COL19A1: variants seen among roughly 807,000 people sequenced by gnomAD.
COL19A1 encodes collagen type XIX alpha 1 chain, also known as collagen alpha-1(XIX) chain.
In COL19A1, 159 loss-of-function variants were observed where a neutral mutation model predicts 190.2. The observed-to-expected ratio is 0.84, with a 90% CI of 0.73 to 0.95. The LOEUF (loss-of-function observed/expected upper bound fraction) is 0.95, where lower values mean the gene tolerates loss of function less well. COL19A1 is among the 40% of genes least tolerant of loss of function. COL19A1 has a pLI of 0.00. For synonymous variants in COL19A1, 509 were observed against 458.9 expected, an observed-to-expected ratio of 1.11 and a Z score of -1.39; for missense variants, 1,418 against 1,431.9, an observed-to-expected ratio of 0.99 and a Z score of 0.16.
intron 48 of COL19A1, among the ~76,000 whole-genome samples, chr6:70,194,216 A>G (rs2150301207): frequency 1.3e-5 from 2 of 152,304 alleles, no homozygotes; most frequent in Middle Eastern, 6.8e-3. Context: ...CTCCAACTTT[A>G]TCATCCCAAG....
chr6:70,194,013 A>T (rs1767040157), intron 48 of COL19A1, among the ~76,000 whole-genome samples: 1 of 152,254 alleles, frequency 6.6e-6, no homozygotes. Context: ...CAGACAGCTA[A>T]CTGCTACAGT....
intron 48 of COL19A1, among the ~76,000 whole-genome samples, chr6:70,193,133 A>G (rs890722192): frequency 6.6e-6 from 1 of 151,258 alleles, no homozygotes; most frequent in African/African-American, 2.4e-5. Context: ...TGAGATATAG[A>G]AGGTGTTCGT....
intron 4 of COL19A1, among the ~76,000 whole-genome samples, chr6:69,916,831 A>G (rs1046200273): frequency 6.6e-5 from 10 of 152,194 alleles, no homozygotes; most frequent in Non-Finnish European, 1.2e-4. Context: ...TTTATTCTTA[A>G]CCAAAAAAGA....
intron 42 of COL19A1, among the ~76,000 whole-genome samples, chr6:70,177,292 A>G (rs536949243): frequency 6.6e-6 from 1 of 152,282 alleles, no homozygotes; most frequent in South Asian, 2.1e-4. Flanking sequence ...AGGAAAGTCA[A>G]TGGAAACCAT....
At chr6:70,183,058 A>G (rs1027041988) in intron 44 of COL19A1, among the ~76,000 whole-genome samples, 2 of 152,104 alleles carry the variant, frequency 1.3e-5, no homozygotes, top group African/African-American at 4.8e-5. Flanking sequence ...TGGGGAGGTG[A>G]TGCTGAAGTT....
At chr6:70,036,492 T>A (rs1374102773) in intron 14 of COL19A1, among the ~76,000 whole-genome samples, 1 of 152,236 alleles carries the variant, frequency 6.6e-6, no homozygotes, top group Non-Finnish European at 1.5e-5. Flanking sequence ...GTGCACATAA[T>A]GAGATTGTTC....
In COL19A1 at chr6:70,085,057, G is replaced by A. The variant is rs141431757; in HGVS notation, c.1224+16581G>A. ...ATATATGTGTAAAGTAGCCAATACA[G>A]GGCCTATCACATGCTAGGTATTCAA... On this transcript the variant is annotated intron_variant, in intron 15 of 50. Transcript: ENST00000620364. 2.1e-3 allele frequency among the ~76,000 whole-genome samples: 316 copies of A among 152,124 alleles called. 1 individual carries two copies. Among genetic ancestry groups the A allele is most frequent in the African/African-American group, 7.3e-3 (301 of 41,510 alleles).
At chr6:70,112,947 G>A (rs913956734) in intron 16 of COL19A1, among the ~76,000 whole-genome samples, 9 of 152,216 alleles carry the variant, frequency 5.9e-5, no homozygotes, top group African/African-American at 1.7e-4. Context: ...ACGGGGGAAC[G>A]AGTTTGAAAA....
intron 14 of COL19A1, among the ~76,000 whole-genome samples, chr6:70,055,897 T>G (rs1780477877): frequency 1.3e-5 from 2 of 151,852 alleles, no homozygotes; most frequent in Non-Finnish European, 2.9e-5. Flanking sequence ...TTTCGGTTTG[T>G]TTTTTTTCTG....
At chr6:70,159,264 T>C (rs1354972082) in intron 34 of COL19A1, among the ~76,000 whole-genome samples, 1 of 152,040 alleles carries the variant, frequency 6.6e-6, no homozygotes, top group African/African-American at 2.4e-5. Flanking sequence ...ATTTATAATC[T>C]CCAGTCATTT....
intron 11 of COL19A1, among the ~76,000 whole-genome samples, chr6:69,994,597 G>A (rs1013263060): frequency 2.0e-5 from 3 of 152,172 alleles, no homozygotes; most frequent in Admixed American, 1.3e-4. Context: ...GGAGAATTTT[G>A]GAAATGGCCT....
At position 69,929,551 on chromosome 6, in the gene COL19A1, A is replaced by G. The variant is rs1482017246; in HGVS notation, c.517A>G (p.Lys173Glu). 3 of 1,613,962 alleles carry G rather than the reference A, an allele frequency of 1.9e-6. No individual in the cohort carries two copies. Among genetic ancestry groups the G allele is most frequent in the African/African-American group, 1.3e-5 (1 of 74,928 alleles). The change falls in exon 6 of 51, where the codon AAA (lysine) becomes GAA (glutamate). Residue 173 changes from lysine (K) to glutamate (E), a missense_variant. Coordinates refer to ENST00000620364, the MANE Select transcript of COL19A1 (RefSeq NM_001858.6). Reference protein sequence around the residue: ...LRPLFDRQWHKLGISIQSQVI... With the variant: ...LRPLFDRQWHELGISIQSQVI... Reference sequence around the variant, plus strand: ...TCCTTTGTTTGATCGTCAGTGGCACAAACTTGGCATTAGTATACAATCCCA... The same window carrying G: ...TCCTTTGTTTGATCGTCAGTGGCACGAACTTGGCATTAGTATACAATCCCA...
At chr6:70,120,137 T>G (rs1256479549) in intron 16 of COL19A1, among the ~76,000 whole-genome samples, 1 of 152,198 alleles carries the variant, frequency 6.6e-6, no homozygotes, top group East Asian at 1.9e-4. Context: ...TGACTGATTC[T>G]GCTACTCTAT....
intron 9 of COL19A1, among the ~76,000 whole-genome samples, chr6:69,948,993 C>G (rs907216297): frequency 8.6e-5 from 13 of 151,728 alleles, no homozygotes; most frequent in Non-Finnish European, 1.5e-5. Flanking sequence ...ACTTAAGAAG[C>G]TAATATCATA....
At chr6:69,952,380 C>T (rs963050680) in intron 9 of COL19A1, among the ~76,000 whole-genome samples, 1 of 151,814 alleles carries the variant, frequency 6.6e-6, no homozygotes, top group Non-Finnish European at 1.5e-5. Flanking sequence ...AACCTTAATG[C>T]AACACCTAAT....
rs1768223550 is a variant in COL19A1, at chr6:70,211,810, A to G, written c.*4536A>G. On this transcript the variant is annotated 3_prime_UTR_variant, in exon 51 of 51. Coordinates refer to ENST00000620364, the MANE Select transcript of COL19A1 (RefSeq NM_001858.6). ...ATTGAATGAAGAACCAAGTGAACAC[A>G]GAGAAAACTTATTCGGACAAGTAGA... 6.6e-6 allele frequency among the ~76,000 whole-genome samples: 1 copy of G among 152,104 alleles called. No homozygotes were observed. Among genetic ancestry groups the G allele is most frequent in the South Asian group, 2.1e-4 (1 of 4,818 alleles).
intron 2 of COL19A1, among the ~76,000 whole-genome samples, chr6:69,887,700 T>C (rs1769036012): frequency 6.6e-6 from 1 of 152,170 alleles, no homozygotes; most frequent in South Asian, 2.1e-4. Flanking sequence ...CCTTGTCCCA[T>C]GGCCATGAAA....
intron 2 of COL19A1, among the ~76,000 whole-genome samples, chr6:69,895,677 G>C (rs1339193671): frequency 6.6e-6 from 1 of 152,154 alleles, no homozygotes; most frequent in Non-Finnish European, 1.5e-5. Context: ...CAGTGGGCGG[G>C]CTGGTTGGAG....
chr6:70,140,477 G>A lies in COL19A1; in HGVS notation c.1447-477G>A, dbSNP rs565885391. Among the ~76,000 whole-genome samples the A allele has an allele frequency of 1.2e-3, 180 of 152,048 alleles. 2 individuals carry two copies. The highest frequency in any genetic ancestry group is 1.9e-3 in the Non-Finnish European group (131 of 67,956). Reference sequence around the variant, plus strand: ...ACCTCTTCAAGTCATTTTCATTAAAGTAAAAATAAAAACTAGGAAACTATT... The same window carrying A: ...ACCTCTTCAAGTCATTTTCATTAAAATAAAAATAAAAACTAGGAAACTATT... On this transcript the variant is annotated intron_variant, in intron 19 of 50. Transcript: ENST00000620364.
Sources: allele counts gnomAD v4.1 joint callset (sites outside exome capture counted in the v4.1 genomes callset), GRCh38; gene constraint gnomAD v4.1.1; transcripts MANE v1.5; gene names NCBI Gene and HGNC (gene_info 2026-07-23, HGNC 2026-07-21).